Variants in EYS observed in about 807,000 individuals in gnomAD.
EYS encodes the protein protein eyes shut homolog.
In EYS, 250 loss-of-function variants were observed where a neutral mutation model predicts 282.1. That is an observed-to-expected ratio of 0.89 (90% CI 0.80 to 0.98). The LOEUF (loss-of-function observed/expected upper bound fraction) is 0.98, where lower values mean the gene tolerates loss of function less well. EYS is among the 50% of genes least tolerant of loss of function. The pLI is 0.00. For missense variants in EYS, 4,016 were observed against 3,709.0 expected (o/e 1.08, Z -2.15); for synonymous variants, 1,355 against 1,282.9 (o/e 1.06, Z -1.20).
chr6:64,219,327 T>G (rs1044498680), intron 31 of EYS, among the ~76,000 whole-genome samples: 1 of 152,182 alleles, frequency 6.6e-6, no homozygotes, highest in African/African-American at 2.4e-5. Flanking sequence ...CTATGGGATA[T>G]TCCCAGGTTG....
chr6:64,766,711 C>A (rs1773364269), intron 22 of EYS, among the ~76,000 whole-genome samples: 1 of 119,630 alleles, frequency 8.4e-6, no homozygotes, highest in African/African-American at 3.1e-5. Flanking sequence ...TCACTGTGCC[C>A]TTCCACTGAG....
intron 35 of EYS, among the ~76,000 whole-genome samples, chr6:63,938,083 G>T (rs985934153): frequency 6.6e-6 from 1 of 152,146 alleles, no homozygotes; most frequent in Non-Finnish European, 1.5e-5. Flanking sequence ...TAAATCAACT[G>T]GTTAACCTAG....
chr6:65,280,072 T>C (rs540074921), intron 12 of EYS, among the ~76,000 whole-genome samples: 282 of 152,308 alleles, frequency 1.9e-3, no homozygotes, highest in Non-Finnish European at 3.0e-3. Context: ...AATAAAGTAC[T>C]GGATAAAAGA....
At chr6:64,708,155 A>G (rs1771095776) in intron 22 of EYS, among the ~76,000 whole-genome samples, 1 of 152,228 alleles carries the variant, frequency 6.6e-6, no homozygotes, top group African/African-American at 2.4e-5. Flanking sequence ...CAGGCCTGAA[A>G]AAATGAGTAC....
At chr6:64,923,742 G>A (rs1768426044) in intron 15 of EYS, among the ~76,000 whole-genome samples, 1 of 152,174 alleles carries the variant, frequency 6.6e-6, no homozygotes, top group Non-Finnish European at 1.5e-5. Context: ...TCAAAATCCA[G>A]CGAGGCAATC....
At chr6:64,668,239 G>GTGT (rs1349195161) in intron 22 of EYS, among the ~76,000 whole-genome samples, 1 of 152,072 alleles carries the variant, frequency 6.6e-6, no homozygotes, top group Non-Finnish European at 1.5e-5. Flanking sequence ...CAGAACAAAA[G>GTGT]TGTTTAATGA....
Position 64,474,679 on chromosome 6 carries a change from G to A in EYS, c.5645-35327C>T, listed in dbSNP as rs977879694. Among the ~76,000 whole-genome samples, 3 of 152,146 alleles carry A rather than the reference G, an allele frequency of 2.0e-5. No individual in the cohort carries two copies. The East Asian group carries it at 5.8e-4, about 29-fold the overall frequency. ...GTACAGTAGACTGTTTCACAAACCT[G>A]CATCAGAAGAAGGTCTTTGTTAAGA... On this transcript the variant is annotated intron_variant, in intron 26 of 42. Transcript: ENST00000503581.
chr6:63,861,316 A>G (rs1772525160), intron 36 of EYS, among the ~76,000 whole-genome samples: 1 of 152,212 alleles, frequency 6.6e-6, no homozygotes, highest in Non-Finnish European at 1.5e-5. Context: ...TTATATCTCC[A>G]GAAGAGATTT....
chr6:64,577,136 A>G (rs1293062006), intron 26 of EYS, among the ~76,000 whole-genome samples: 2 of 152,126 alleles, frequency 1.3e-5, no homozygotes, highest in African/African-American at 4.8e-5. Context: ...CTGAGGAAGC[A>G]TGACCCTGCT....
At chr6:65,681,948 G>A (rs1768839976) in intron 1 of EYS, among the ~76,000 whole-genome samples, 1 of 151,880 alleles carries the variant, frequency 6.6e-6, no homozygotes, top group African/African-American at 2.4e-5. Flanking sequence ...TTTGGTAAGT[G>A]CCAATCAGCA....
intron 26 of EYS, among the ~76,000 whole-genome samples, chr6:64,558,766 T>C (rs1353912392): frequency 3.9e-5 from 6 of 152,182 alleles, no homozygotes; most frequent in African/African-American, 1.4e-4. Flanking sequence ...ATAATTTCCC[T>C]GCAAGGAAAA....
intron 29 of EYS, among the ~76,000 whole-genome samples, chr6:64,352,815 A>C (rs991750059): frequency 6.6e-6 from 1 of 151,542 alleles, no homozygotes; most frequent in African/African-American, 2.4e-5. Context: ...ATATAATTTT[A>C]TTGTTAATTT....
chr6:64,595,564 A>T (rs1021838134), intron 24 of EYS, among the ~76,000 whole-genome samples: 2 of 152,238 alleles, frequency 1.3e-5, no homozygotes, highest in Non-Finnish European at 2.9e-5. Context: ...AAAATCTCTT[A>T]GAGCTGATGA....
intron 30 of EYS, among the ~76,000 whole-genome samples, chr6:64,246,544 T>C (rs1767030382): frequency 6.6e-6 from 1 of 152,214 alleles, no homozygotes; most frequent in African/African-American, 2.4e-5. Context: ...ACAGTTTGCA[T>C]AGCTCAATAT....
At chr6:64,121,722 A>G (rs930864054) in intron 31 of EYS, among the ~76,000 whole-genome samples, 8 of 152,078 alleles carry the variant, frequency 5.3e-5, no homozygotes, top group Non-Finnish European at 1.2e-4. Flanking sequence ...CTCATCCAAA[A>G]CCAATTTCAA....
chr6:65,610,798 T>C lies in EYS; in HGVS notation c.-333+28980A>G, dbSNP rs1394155034. On this transcript the variant is annotated intron_variant, in intron 2 of 42. Transcript: ENST00000503581. ...ATTTACTCACAAGCATACTAATTAC[T>C]TTTTAAAATATCGTGTTTATAATGA... 2.6e-5 allele frequency among the ~76,000 whole-genome samples: 4 copies of C among 152,136 alleles called. No homozygotes were observed. In the South Asian group the frequency reaches 8.3e-4, roughly 31 times the overall value.
intron 22 of EYS, among the ~76,000 whole-genome samples, chr6:64,781,620 AC>A (rs1773867122): frequency 6.6e-6 from 1 of 151,392 alleles, no homozygotes; most frequent in African/African-American, 2.4e-5. Context: ...TGAGGCCATG[AC>A]CACACAACAA....
intron 31 of EYS, among the ~76,000 whole-genome samples, chr6:64,104,581 G>A (rs1198879873): frequency 6.6e-6 from 1 of 152,040 alleles, no homozygotes; most frequent in Non-Finnish European, 1.5e-5. Flanking sequence ...AGTTTACTTT[G>A]TTGGACCTCT....
chr6:65,381,435 G>A lies in EYS; in HGVS notation c.1299+2951C>T, dbSNP rs145631514. On this transcript the variant is annotated intron_variant, in intron 8 of 42. Transcript: ENST00000503581. The stretch of plus-strand genomic sequence containing the variant: ...GAACAGTGTGAACACATGGAGATAG[G>A]GAGGGAAATATCACACACCGAGGCC... Among the ~76,000 whole-genome samples the A allele has an allele frequency of 2.3e-3, 351 of 152,020 alleles. 4 individuals are homozygous for A. The highest frequency in any genetic ancestry group is 8.1e-3 in the African/African-American group (336 of 41,498).
Sources: allele counts gnomAD v4.1 joint callset (sites outside exome capture counted in the v4.1 genomes callset), GRCh38; gene constraint gnomAD v4.1.1; transcripts MANE v1.5; gene names NCBI Gene and HGNC (gene_info 2026-07-23, HGNC 2026-07-21).